The following FER1L6 variants were observed in gnomAD, a reference collection of about 807,000 sequenced individuals.
FER1L6 encodes fer-1 like family member 6, also known as fer-1-like protein 6.
In FER1L6, 177 loss-of-function variants were observed where a neutral mutation model predicts 219.2. That is an observed-to-expected ratio of 0.81 (90% CI 0.71 to 0.91). The LOEUF (loss-of-function observed/expected upper bound fraction) is 0.91, where lower values mean the gene tolerates loss of function less well. Among genes scored for constraint, FER1L6 ranks in the 40% least tolerant of loss-of-function variants. The pLI, the probability that FER1L6 is intolerant of heterozygous loss-of-function variation, is 0.00. For synonymous variants in FER1L6, 768 were observed against 824.3 expected, an observed-to-expected ratio of 0.93 and a Z score of 1.17; for missense variants, 2,153 against 2,259.9, an observed-to-expected ratio of 0.95 and a Z score of 0.96.
intron 33 of FER1L6, 127 bp downstream of exon 33, chr8:124,082,585 A>C: frequency 6.1e-5 from 48 of 784,830 alleles, no homozygotes; most frequent in Non-Finnish European, 8.3e-5. Context: ...AACGTCTCAA[A>C]TGGGCTCCAC....
At chr8:124,005,027 T>C (rs1405744726) in intron 13 of FER1L6, among the ~76,000 whole-genome samples, 2 of 152,026 alleles carry the variant, frequency 1.3e-5, no homozygotes, top group Non-Finnish European at 2.9e-5. Flanking sequence ...TCAACTGTTC[T>C]CTTTTCCTTC....
chr8:124,080,616 C>T (rs1821503866), intron 32 of FER1L6, among the ~76,000 whole-genome samples: 1 of 152,118 alleles, frequency 6.6e-6, no homozygotes, highest in Non-Finnish European at 1.5e-5. Flanking sequence ...CCGCTCCCGG[C>T]CCTGTTTTTG....
Position 124,103,079 on chromosome 8 carries a change from T to C in FER1L6, c.5126-67T>C, listed in dbSNP as rs1166138209. 5.1e-6 allele frequency: 7 copies of C among 1,369,336 alleles called. No homozygotes were observed. The Admixed American group carries it at 1.2e-4, about 24-fold the overall frequency. 84.8% of individuals were successfully genotyped at this position (1,369,336 alleles called of 1,614,324 possible). On this transcript the variant is annotated intron_variant, in intron 38 of 40. Transcript: ENST00000522917. The stretch of plus-strand genomic sequence containing the variant: ...AGGGTGAATGAATGAATGAGGATGG[T>C]GATTGAGAAGCTCTTCTGTTACTTT...
intron 12 of FER1L6, among the ~76,000 whole-genome samples, chr8:123,996,918 T>C (rs1021909828): frequency 7.9e-5 from 12 of 152,148 alleles, no homozygotes; most frequent in Non-Finnish European, 1.6e-4. Flanking sequence ...AACTCTACAC[T>C]TTAATTTCAT....
Position 124,119,673 on chromosome 8 carries a change from G to C in FER1L6, c.5457G>C (p.Lys1819Asn), listed in dbSNP as rs1383087854. ...PFKCLYYLIW[K>N]NYKKYIIIAF... ...AGTGCCTGTACTACCTCATCTGGAA[G>C]AATTACAAAAAGTACATCATCATTG... The change falls in exon 41 of 41, where the codon AAG (lysine) becomes AAC (asparagine). Residue 1819 changes from lysine to asparagine, a missense_variant. Physicochemically the swap from Lys to Asn is moderately conservative, Grantham distance 94. Transcript: ENST00000522917. 2 of 1,613,568 alleles carry C rather than the reference G, an allele frequency of 1.2e-6. No individual in the cohort carries two copies. The highest frequency in any genetic ancestry group is 2.7e-5 in the African/African-American group (2 of 74,886).
chr8:124,040,901 T>G (rs1819458946), intron 20 of FER1L6: 1 of 152,204 alleles, frequency 6.6e-6, no homozygotes, highest in South Asian at 2.1e-4. Context: ...ACTGTGACAT[T>G]AGGGATTAAA....
chr8:123,947,390 C>T (rs1814548605), intron 1 of FER1L6, among the ~76,000 whole-genome samples: 1 of 152,130 alleles, frequency 6.6e-6, no homozygotes, highest in Non-Finnish European at 1.5e-5. Flanking sequence ...GTTTTTCAGG[C>T]CCCAGAGTGA....
At chr8:123,976,303 C>A (rs1446106394) in intron 9 of FER1L6, among the ~76,000 whole-genome samples, 1 of 152,090 alleles carries the variant, frequency 6.6e-6, no homozygotes, top group Non-Finnish European at 1.5e-5. Flanking sequence ...GAGCTCAAGA[C>A]CAGCCTGGCC....
intron 33 of FER1L6, among the ~76,000 whole-genome samples, chr8:124,089,615 T>C (rs1360360951): frequency 6.6e-6 from 1 of 152,242 alleles, no homozygotes; most frequent in Admixed American, 6.5e-5. Flanking sequence ...TTTTAAAGCA[T>C]GCTGTATCTG....
intron 1 of FER1L6, among the ~76,000 whole-genome samples, chr8:123,904,679 G>GA (rs1422714589): frequency 1.3e-5 from 2 of 152,212 alleles, no homozygotes; most frequent in Admixed American, 6.5e-5. Context: ...GGGTTGACTT[G>GA]AAGGGGTGTC....
At chr8:123,854,331 A>G (rs1816588733) in intron 1 of FER1L6, among the ~76,000 whole-genome samples, 1 of 152,132 alleles carries the variant, frequency 6.6e-6, no homozygotes, top group East Asian at 1.9e-4. Context: ...GCTCTGGGGA[A>G]ATCCAAGGCT....
At chr8:123,953,990 A>G (rs1248635309) in intron 1 of FER1L6, among the ~76,000 whole-genome samples, 2 of 152,174 alleles carry the variant, frequency 1.3e-5, no homozygotes, top group Non-Finnish European at 2.9e-5. Context: ...GATGATGGCA[A>G]ATCAAAGGGG....
intron 18 of FER1L6, among the ~76,000 whole-genome samples, chr8:124,027,567 A>ATTTTGTT (rs1818764539): frequency 6.6e-6 from 1 of 152,120 alleles, no homozygotes. Context: ...ATGTAAAATG[A>ATTTTGTT]TTTTGTTTTA....
chr8:123,975,358 A>G, intron 8 of FER1L6, 52 bp downstream of exon 8: 3 of 1,487,968 alleles, frequency 2.0e-6, no homozygotes, highest in Non-Finnish European at 2.7e-6. Context: ...TCCAATTTTA[A>G]TCTCTTTCCC....
intron 1 of FER1L6, among the ~76,000 whole-genome samples, chr8:123,915,641 T>A (rs1286579599): frequency 6.6e-6 from 1 of 152,192 alleles, no homozygotes; most frequent in African/African-American, 2.4e-5. Context: ...GTTTACAGAT[T>A]AGTAGTCTTG....
intron 1 of FER1L6, among the ~76,000 whole-genome samples, chr8:123,890,175 A>G (rs1310891216): frequency 6.6e-6 from 1 of 152,112 alleles, no homozygotes; most frequent in Non-Finnish European, 1.5e-5. Context: ...TCTTCTGCAT[A>G]GGTAATACTA....
At chr8:123,894,992 A>C (rs187154502) in intron 1 of FER1L6, among the ~76,000 whole-genome samples, 56 of 152,356 alleles carry the variant, frequency 3.7e-4, no homozygotes, top group Non-Finnish European at 6.8e-4. Flanking sequence ...CAAATGAAAA[A>C]AGAGTAACCT....
chr8:124,072,014 T>C (rs1821097214), intron 31 of FER1L6, among the ~76,000 whole-genome samples: 1 of 152,178 alleles, frequency 6.6e-6, no homozygotes, highest in African/African-American at 2.4e-5. Context: ...CCTTAGGAGT[T>C]AGGGGTTCAA....
chr8:123,967,096 A>AG (rs543818095), intron 5 of FER1L6, among the ~76,000 whole-genome samples: 680 of 152,132 alleles, frequency 4.5e-3, no homozygotes, highest in Middle Eastern at 0.01. Context: ...AAAAAAAAAA[A>AG]AAAAATTACT....
Sources: allele counts gnomAD v4.1 joint callset (sites outside exome capture counted in the v4.1 genomes callset), GRCh38; gene constraint gnomAD v4.1.1; transcripts MANE v1.5; gene names NCBI Gene and HGNC (gene_info 2026-07-23, HGNC 2026-07-21).